Variants in UCN2 observed in about 807,000 individuals in gnomAD.
UCN2 encodes the protein urocortin-2.
UCN2 carries 3 observed loss-of-function variants against 1.6 expected under a neutral mutation model. The ratio of observed to expected loss-of-function variants is 1.88; its 90% CI spans 0.85 to 4.85. The LOEUF (loss-of-function observed/expected upper bound fraction) is 4.85. Ranked by LOEUF, UCN2 falls within the 30% of genes most tolerant of loss-of-function variation. The pLI is 0.02. For missense variants in UCN2, 127 were observed against 150.8 expected, an observed-to-expected ratio of 0.84 and a Z score of 0.83; for synonymous variants, 64 against 66.0, an observed-to-expected ratio of 0.97 and a Z score of 0.15.
At position 48,562,724 on chromosome 3, in the gene UCN2, T is replaced by C; in HGVS notation, c.*62A>G. 7.0e-7 allele frequency: 1 copy of C among 1,437,054 alleles called. No individual in the cohort carries two copies. The allele number at this position is 1,437,054 out of a possible 1,614,324, so 89.0% of individuals were successfully genotyped here. On this transcript the variant is annotated 3_prime_UTR_variant, in exon 2 of 2. Transcript: ENST00000273610. This position sits in a 1 kb window ranked among gnomAD's most constrained non-coding sequence, Gnocchi z 4.3. The stretch of plus-strand genomic sequence containing the variant: ...ATGTGGCAGCATCCGTCCAGCTGTG[T>C]GGCTGCCCTCCAGGTCTTCCCATCC...
Position 48,562,788 on chromosome 3 carries a change from A to G in UCN2, c.337T>C (p.Ter113ArgextTer2). The G allele has an allele frequency of 1.3e-6, 2 of 1,546,452 alleles. No homozygotes were observed. The highest frequency in any genetic ancestry group is 1.7e-6 in the Non-Finnish European group (2 of 1,147,738). The part of the protein sequence containing the change: ...ARILARVGHC[*>R] The stretch of plus-strand genomic sequence containing the variant: ...CACTGTGACCCCCTCTCTCAGGCTC[A>G]GCAGTGGCCGACACGGGCCAGGATG... Residue 113 changes from the stop codon to arginine (R), a stop_lost, in exon 2 of 2, where the codon TGA becomes CGA. Transcript: ENST00000273610. This position sits in a 1 kb window ranked among gnomAD's most constrained non-coding sequence, Gnocchi z 4.3.
In UCN2 at chr3:48,562,905, G is replaced by A. The variant is rs368389228; in HGVS notation, c.220C>T (p.Leu74=). 3.8e-4 allele frequency: 604 copies of A among 1,605,536 alleles called. 1 individual carries two copies. The highest frequency in any genetic ancestry group is 4.9e-4 in the Non-Finnish European group (579 of 1,176,188). Reference sequence around the variant, plus strand: ...AGGCCGATGGGGACATCCAGCGATAGGACAATGCGCGAGCCAGGGTGGCGG... The same window carrying A: ...AGGCCGATGGGGACATCCAGCGATAAGACAATGCGCGAGCCAGGGTGGCGG... ...PTRHPGSRIV[L]SLDVPIGLLQ... is the part of the protein sequence containing the mutation. Residue 74 remains leucine (L), a synonymous_variant, in exon 2 of 2, where the codon CTA becomes TTA. Transcript: ENST00000273610. The surrounding 1 kb of genome is among the most constrained non-coding windows in gnomAD (Gnocchi z 4.3).
rs961841520 is a variant in UCN2 at position 48,562,056 on chromosome 3, C to A, written c.*730G>T. On this transcript the variant is annotated 3_prime_UTR_variant, in exon 2 of 2. Transcript: ENST00000273610. The surrounding 1 kb of genome is among the most constrained non-coding windows in gnomAD (Gnocchi z 4.3). ...AGGTTTGGGGGACAAGCACCCACTC[C>A]TCTCAGACCCCTCACGTACCCTTAC... 2.0e-5 allele frequency: 3 copies of A among 152,300 alleles called. No individual in the cohort carries two copies. Among genetic ancestry groups the A allele is most frequent in the African/African-American group, 7.2e-5 (3 of 41,440 alleles). The allele number at this position is 152,300 out of a possible 1,614,324, so 9.4% of individuals were successfully genotyped here. A position where few individuals can be genotyped will look rare whatever the true frequency, so the allele number is the denominator to read the frequency against.
At position 48,562,770 on chromosome 3, in the gene UCN2, AC is replaced by A. The variant is rs754731072; in HGVS notation, c.*15del. 1.3e-6 allele frequency: 2 copies of A among 1,530,748 alleles called. No homozygotes were observed. The highest frequency in any genetic ancestry group is 1.4e-5 in the African/African-American group (1 of 72,572). 94.8% of individuals were successfully genotyped at this position (1,530,748 alleles called of 1,614,324 possible). Reference sequence around the variant, plus strand: ...CATCCAGGGTGGCCCTATCACTGTGACCCCCTCTCTCAGGCTCAGCAGTGGC... The same window carrying A: ...CATCCAGGGTGGCCCTATCACTGTGACCCCTCTCTCAGGCTCAGCAGTGGC... On this transcript the variant is annotated 3_prime_UTR_variant, in exon 2 of 2. Transcript: ENST00000273610. The surrounding 1 kb of genome is among the most constrained non-coding windows in gnomAD (Gnocchi z 4.3).
chr3:48,563,157 C>G lies in UCN2; in HGVS notation c.-12-21G>C, dbSNP rs963670655. The stretch of plus-strand genomic sequence containing the variant: ...TCAGGCTGCAAGGAGAAAATGGGCT[C>G]AGGGCAGGGGCTCTGGTCAACTGGG... On this transcript the variant is annotated intron_variant, in intron 1 of 1. Transcript: ENST00000273610. This position sits in a 1 kb window ranked among gnomAD's most constrained non-coding sequence, Gnocchi z 4.5. 7.6e-6 allele frequency: 12 copies of G among 1,586,874 alleles called. No homozygotes were observed. In the South Asian group the frequency reaches 1.3e-4, roughly 17 times the overall value.
Position 48,563,009 on chromosome 3 carries a change from G to C in UCN2, c.116C>G (p.Thr39Ser). ...QLRPQNSPQTTPRPAASESPS... is the reference protein window; with the variant it reads ...QLRPQNSPQTSPRPAASESPS... ...GCTCTCTGAGGCCGCAGGTCGGGGA[G>C]TGGTCTGGGGAGAATTCTGAGGGCG... Residue 39 changes from threonine (T) to serine (S), a missense_variant, in exon 2 of 2, where the codon ACT (threonine) becomes AGT (serine). Transcript: ENST00000273610. The surrounding 1 kb of genome is among the most constrained non-coding windows in gnomAD (Gnocchi z 4.5). The C allele has an allele frequency of 6.2e-7, 1 of 1,610,948 alleles. No homozygotes were observed. The highest frequency in any genetic ancestry group is 1.7e-4 in the Middle Eastern group (1 of 6,054).
In UCN2 at chr3:48,563,228, G is replaced by T; in HGVS notation, c.-12-92C>A. ...GGCAAGGGCAGAGTGACAGAGCGGGGGATGGAGAGAGAGGAAGACACCGAG... is the reference window on the plus strand; with the variant it reads ...GGCAAGGGCAGAGTGACAGAGCGGGTGATGGAGAGAGAGGAAGACACCGAG... On this transcript the variant is annotated intron_variant, in intron 1 of 1. Coordinates refer to ENST00000273610, the MANE Select transcript of UCN2 (RefSeq NM_033199.4). The surrounding 1 kb of genome is among the most constrained non-coding windows in gnomAD (Gnocchi z 4.5). 2 of 1,143,154 alleles carry T rather than the reference G, an allele frequency of 1.7e-6. No individual in the cohort carries two copies. The highest frequency in any genetic ancestry group is 2.5e-5 in the East Asian group (1 of 39,350). 70.8% of individuals were successfully genotyped at this position (1,143,154 alleles called of 1,614,324 possible). A position where few individuals can be genotyped will look rare whatever the true frequency, so the allele number is the denominator to read the frequency against.
rs1201929198 is a variant in UCN2, at chr3:48,562,139, C to T, written c.*647G>A. On this transcript the variant is annotated 3_prime_UTR_variant, in exon 2 of 2. Transcript: ENST00000273610. The surrounding 1 kb of genome is among the most constrained non-coding windows in gnomAD (Gnocchi z 4.3). Reference sequence around the variant, plus strand: ...TCAGCCACACACGCACATATGCGCCCATAAGACAAGGCTGCCATGGTCACA... The same window carrying T: ...TCAGCCACACACGCACATATGCGCCTATAAGACAAGGCTGCCATGGTCACA... 6.5e-6 allele frequency: 1 copy of T among 152,896 alleles called. No individual in the cohort carries two copies. The highest frequency in any genetic ancestry group is 1.5e-5 in the Non-Finnish European group (1 of 68,534). 9.5% of individuals were successfully genotyped at this position (152,896 alleles called of 1,614,324 possible). A position where few individuals can be genotyped will look rare whatever the true frequency, so the allele number is the denominator to read the frequency against.
chr3:48,562,798 G>A lies in UCN2; in HGVS notation c.327C>T (p.Val109=), dbSNP rs762599762. ...ATTNARILAR[V]GHC Reference sequence around the variant, plus strand: ...CCCTCTCTCAGGCTCAGCAGTGGCCGACACGGGCCAGGATGCGGGCGTTGG... The same window carrying A: ...CCCTCTCTCAGGCTCAGCAGTGGCCAACACGGGCCAGGATGCGGGCGTTGG... The change falls in exon 2 of 2, where the codon GTC becomes GTT. Residue 109 remains valine, a synonymous_variant. Transcript: ENST00000273610. This position sits in a 1 kb window ranked among gnomAD's most constrained non-coding sequence, Gnocchi z 4.3. 116 of 1,552,730 alleles carry A rather than the reference G, an allele frequency of 7.5e-5. No homozygotes were observed. The highest frequency in any genetic ancestry group is 9.1e-5 in the Non-Finnish European group (105 of 1,150,328).
rs183513733 is a variant in UCN2 at position 48,562,885 on chromosome 3, G to A, written c.240C>T (p.Ile80=). The change falls in exon 2 of 2, where the codon ATC becomes ATT. Residue 80 remains isoleucine (I), a synonymous_variant. Transcript: ENST00000273610. The surrounding 1 kb of genome is among the most constrained non-coding windows in gnomAD (Gnocchi z 4.3). ...SRIVLSLDVP[I]GLLQILLEQA... ...GCTCCAGTAAGATCTGCAAGAGGCC[G>A]ATGGGGACATCCAGCGATAGGACAA... The A allele has an allele frequency of 3.9e-5, 62 of 1,602,444 alleles. No homozygotes were observed. The East Asian group carries it at 6.3e-4, about 16-fold the overall frequency.
Position 48,562,946 on chromosome 3 carries a change from C to G in UCN2, c.179G>C (p.Ser60Thr). ...AAPTWPWAAQ[S>T]HCSPTRHPGS... ...AGGGTGGCGGGTGGGGCTGCAGTGG[C>G]TCTGGGCAGCCCACGGCCATGTGGG... Residue 60 changes from serine (S) to threonine (T), a missense_variant, in exon 2 of 2, where the codon AGC (serine) becomes ACC (threonine). Transcript: ENST00000273610. This position sits in a 1 kb window ranked among gnomAD's most constrained non-coding sequence, Gnocchi z 4.3. 1 of 1,605,266 alleles carries G rather than the reference C, an allele frequency of 6.2e-7. No individual in the cohort carries two copies. The highest frequency in any genetic ancestry group is 8.5e-7 in the Non-Finnish European group (1 of 1,175,964).
chr3:48,563,215 G>T lies in UCN2; in HGVS notation c.-12-79C>A. ...GACAGAGACAGATGGCAAGGGCAGAGTGACAGAGCGGGGGATGGAGAGAGA... is the reference window on the plus strand; with the variant it reads ...GACAGAGACAGATGGCAAGGGCAGATTGACAGAGCGGGGGATGGAGAGAGA... On this transcript the variant is annotated intron_variant, in intron 1 of 1. Transcript: ENST00000273610. The surrounding 1 kb of genome is among the most constrained non-coding windows in gnomAD (Gnocchi z 4.5). 7.9e-7 allele frequency: 1 copy of T among 1,267,372 alleles called. No individual in the cohort carries two copies. Among genetic ancestry groups the T allele is most frequent in the Non-Finnish European group, 1.1e-6 (1 of 909,144 alleles). The allele number at this position is 1,267,372 out of a possible 1,614,324, so 78.5% of individuals were successfully genotyped here.
In UCN2 at chr3:48,562,464, C is replaced by T. The variant is rs1021747303; in HGVS notation, c.*322G>A. 1.0e-5 allele frequency: 4 copies of T among 381,044 alleles called. No homozygotes were observed. Among genetic ancestry groups the T allele is most frequent in the East Asian group, 9.2e-5 (2 of 21,836 alleles). The allele number at this position is 381,044 out of a possible 1,614,324, so 23.6% of individuals were successfully genotyped here. A position where few individuals can be genotyped will look rare whatever the true frequency, so the allele number is the denominator to read the frequency against. On this transcript the variant is annotated 3_prime_UTR_variant, in exon 2 of 2. Coordinates refer to ENST00000273610, the MANE Select transcript of UCN2 (RefSeq NM_033199.4). This position sits in a 1 kb window ranked among gnomAD's most constrained non-coding sequence, Gnocchi z 4.3. Reference sequence around the variant, plus strand: ...AAGACTCGCCACAGCAGTGACCTTACGTGGCAGCATCCAAGCTGTCCGGAC... The same window carrying T: ...AAGACTCGCCACAGCAGTGACCTTATGTGGCAGCATCCAAGCTGTCCGGAC...
At position 48,562,786 on chromosome 3, in the gene UCN2, TC is replaced by T; in HGVS notation, c.338del (p.Ter113=). 2 of 1,545,244 alleles carry T rather than the reference TC, an allele frequency of 1.3e-6. No homozygotes were observed. Among genetic ancestry groups the T allele is most frequent in the Non-Finnish European group, 1.7e-6 (2 of 1,147,296 alleles). On this transcript the variant is annotated frameshift_variant and stop_lost, in exon 2 of 2. Coordinates refer to ENST00000273610, the MANE Select transcript of UCN2 (RefSeq NM_033199.4). LOFTEE classifies it high-confidence loss of function. This position sits in a 1 kb window ranked among gnomAD's most constrained non-coding sequence, Gnocchi z 4.3. Reference protein sequence around the residue: ...ARILARVGHC* With the variant: ...ARILARVGHCX ...ATCACTGTGACCCCCTCTCTCAGGC[TC>T]AGCAGTGGCCGACACGGGCCAGGAT...
rs1241374625 is a variant in UCN2, at chr3:48,562,134, G to GA, written c.*651_*652insT. 5 of 152,748 alleles carry GA rather than the reference G, an allele frequency of 3.3e-5. No individual in the cohort carries two copies. Among genetic ancestry groups the GA allele is most frequent in the African/African-American group, 1.2e-4 (5 of 41,442 alleles). The allele number at this position is 152,748 out of a possible 1,614,324, so 9.5% of individuals were successfully genotyped here. ...GAGACTCAGCCACACACGCACATAT[G>GA]CGCCCATAAGACAAGGCTGCCATGG... On this transcript the variant is annotated 3_prime_UTR_variant, in exon 2 of 2. Transcript: ENST00000273610. The surrounding 1 kb of genome is among the most constrained non-coding windows in gnomAD (Gnocchi z 4.3).
At position 48,562,638 on chromosome 3, in the gene UCN2, T is replaced by C. The variant is rs2043449971; in HGVS notation, c.*148A>G. ...TATGACCTGCATGACAGTGGCTCCATGTGGCAGTGTCCAGACACTGTATGC... is the reference window on the plus strand; with the variant it reads ...TATGACCTGCATGACAGTGGCTCCACGTGGCAGTGTCCAGACACTGTATGC... On this transcript the variant is annotated 3_prime_UTR_variant, in exon 2 of 2. Coordinates refer to ENST00000273610, the MANE Select transcript of UCN2 (RefSeq NM_033199.4). The surrounding 1 kb of genome is among the most constrained non-coding windows in gnomAD (Gnocchi z 4.3). 4.1e-6 allele frequency: 3 copies of C among 736,724 alleles called. No homozygotes were observed. Among genetic ancestry groups the C allele is most frequent in the Admixed American group, 6.0e-5 (2 of 33,332 alleles). 45.6% of individuals were successfully genotyped at this position (736,724 alleles called of 1,614,324 possible). A position where few individuals can be genotyped will look rare whatever the true frequency, so the allele number is the denominator to read the frequency against.
rs1194308249 is a variant in UCN2 at position 48,563,411 on chromosome 3, G to A, written c.-12-275C>T. On this transcript the variant is annotated intron_variant, in intron 1 of 1. Coordinates refer to ENST00000273610, the MANE Select transcript of UCN2 (RefSeq NM_033199.4). The surrounding 1 kb of genome is among the most constrained non-coding windows in gnomAD (Gnocchi z 4.5). Reference sequence around the variant, plus strand: ...AGAGAGGGAGATGAAGGAGATGGAGGCAGAGCAAAATGGAGACTAGAAGAA... The same window carrying A: ...AGAGAGGGAGATGAAGGAGATGGAGACAGAGCAAAATGGAGACTAGAAGAA... Among the ~76,000 whole-genome samples the A allele has an allele frequency of 6.6e-6, 1 of 152,090 alleles. No homozygotes were observed. The highest frequency in any genetic ancestry group is 1.5e-5 in the Non-Finnish European group (1 of 68,004).
In UCN2 at chr3:48,563,375, G is replaced by A. The variant is rs573297646; in HGVS notation, c.-12-239C>T. Among the ~76,000 whole-genome samples the A allele has an allele frequency of 2.0e-5, 3 of 152,256 alleles. No individual in the cohort carries two copies. Among genetic ancestry groups the A allele is most frequent in the Middle Eastern group, 3.4e-3 (1 of 294 alleles). On this transcript the variant is annotated intron_variant, in intron 1 of 1. Coordinates refer to ENST00000273610, the MANE Select transcript of UCN2 (RefSeq NM_033199.4). The surrounding 1 kb of genome is among the most constrained non-coding windows in gnomAD (Gnocchi z 4.5). ...AAAGAAACAAAGAAATCCAGAGACA[G>A]AGGGACAGCAAGAGAGGGAGATGAA...
Position 48,563,232 on chromosome 3 carries a change from G to T in UCN2, c.-12-96C>A. The stretch of plus-strand genomic sequence containing the variant: ...AGGGCAGAGTGACAGAGCGGGGGAT[G>T]GAGAGAGAGGAAGACACCGAGAAAG... On this transcript the variant is annotated intron_variant, in intron 1 of 1. Transcript: ENST00000273610. This position sits in a 1 kb window ranked among gnomAD's most constrained non-coding sequence, Gnocchi z 4.5. The T allele has an allele frequency of 9.2e-7, 1 of 1,085,784 alleles. No individual in the cohort carries two copies. Among genetic ancestry groups the T allele is most frequent in the Non-Finnish European group, 1.3e-6 (1 of 760,796 alleles). The allele number at this position is 1,085,784 out of a possible 1,614,324, so 67.3% of individuals were successfully genotyped here. A position where few individuals can be genotyped will look rare whatever the true frequency, so the allele number is the denominator to read the frequency against.
Sources: gnomAD v4.1 joint callset for allele counts (sites outside exome capture counted in the v4.1 genomes callset) on GRCh38, gnomAD v4.1.1 for gene constraint, Gnocchi (gnomAD v3.1) non-coding constraint, MANE v1.5 for transcripts, NCBI Gene and HGNC (gene_info 2026-07-23, HGNC 2026-07-21) for gene names.